Variants in DRC11 observed in about 807,000 individuals in gnomAD.
DRC11 encodes dynein regulatory complex subunit 11.
the DRC11 span, among the ~76,000 whole-genome samples, chr2:236,491,138 T>TATATATACAC: frequency 1.0e-5 from 1 of 98,744 alleles, no homozygotes; most frequent in East Asian, 2.9e-4. Context: ...TATATATATA[T>TATATATACAC]ACAGTATATA....
chr2:236,436,251 A>G, the DRC11 span, among the ~76,000 whole-genome samples: 1 of 152,198 alleles, frequency 6.6e-6, no homozygotes, highest in Non-Finnish European at 1.5e-5. Flanking sequence ...AAATATTTAT[A>G]TATGAAAAAT....
chr2:236,494,863 G>C, the DRC11 span, among the ~76,000 whole-genome samples: 27 of 152,324 alleles, frequency 1.8e-4, no homozygotes, highest in East Asian at 4.6e-3. This position sits in a 1 kb window ranked among gnomAD's most constrained non-coding sequence, Gnocchi z 4.2. Context: ...TGACGGGAGA[G>C]TGAACTAGCA....
At chr2:236,378,852 A>G in the DRC11 span, among the ~76,000 whole-genome samples, 1 of 152,110 alleles carries the variant, frequency 6.6e-6, no homozygotes, top group Non-Finnish European at 1.5e-5. Flanking sequence ...CCTGAGACTC[A>G]AAACGCTGAC....
chr2:236,498,312 A>T, the DRC11 span, among the ~76,000 whole-genome samples: 1 of 151,954 alleles, frequency 6.6e-6, no homozygotes, highest in Non-Finnish European at 1.5e-5. Context: ...AAAAAAAAAA[A>T]AAATTAGCCA....
chr2:236,403,582 A>G, the DRC11 span, among the ~76,000 whole-genome samples: 1 of 152,122 alleles, frequency 6.6e-6, no homozygotes. Context: ...ATCATAGTTT[A>G]TGGCTTAAAA....
the DRC11 span, among the ~76,000 whole-genome samples, chr2:236,439,194 C>T: frequency 6.6e-6 from 1 of 151,052 alleles, no homozygotes; most frequent in East Asian, 1.9e-4. Context: ...CAAAAGCTAG[C>T]AGAAGGCAAG....
chr2:236,402,227 T>G, the DRC11 span, among the ~76,000 whole-genome samples: 8 of 152,304 alleles, frequency 5.3e-5, no homozygotes, highest in East Asian at 1.5e-3. This position sits in a 1 kb window ranked among gnomAD's most constrained non-coding sequence, Gnocchi z 6.0. Flanking sequence ...TCTGATCAAG[T>G]CACCTCCTGG....
the DRC11 span, among the ~76,000 whole-genome samples, chr2:236,490,720 A>G: frequency 1.3e-5 from 2 of 152,064 alleles, no homozygotes; most frequent in African/African-American, 4.8e-5. This position sits in a 1 kb window ranked among gnomAD's most constrained non-coding sequence, Gnocchi z 5.5. Context: ...GGAGGCCCAC[A>G]GTGGATATTA....
At chr2:236,499,416 C>T in the DRC11 span, among the ~76,000 whole-genome samples, 1 of 152,092 alleles carries the variant, frequency 6.6e-6, no homozygotes, top group Non-Finnish European at 1.5e-5. This position sits in a 1 kb window ranked among gnomAD's most constrained non-coding sequence, Gnocchi z 4.7. Context: ...TCCATGCCTG[C>T]TCTCCCTTTC....
the DRC11 span, among the ~76,000 whole-genome samples, chr2:236,337,131 C>T: frequency 6.6e-6 from 1 of 152,200 alleles, no homozygotes; most frequent in Non-Finnish European, 1.5e-5. The surrounding 1 kb of genome is among the most constrained non-coding windows in gnomAD (Gnocchi z 4.9). Flanking sequence ...TGGGTATCCA[C>T]ACTGTCCAGT....
chr2:236,422,532 C>T, the DRC11 span, among the ~76,000 whole-genome samples: 2 of 152,166 alleles, frequency 1.3e-5, no homozygotes, highest in African/African-American at 4.8e-5. Flanking sequence ...CTACAAACCA[C>T]TGCTCAATGA....
At chr2:236,506,527 T>C in the DRC11 span, among the ~76,000 whole-genome samples, 15 of 152,316 alleles carry the variant, frequency 9.8e-5, no homozygotes, top group East Asian at 2.5e-3. The surrounding 1 kb of genome is among the most constrained non-coding windows in gnomAD (Gnocchi z 4.9). Flanking sequence ...ATAGCAACAG[T>C]GCAGGCTGGA....
chr2:236,393,415 C>T, the DRC11 span, among the ~76,000 whole-genome samples: 2 of 152,146 alleles, frequency 1.3e-5, no homozygotes, highest in South Asian at 2.1e-4. This position sits in a 1 kb window ranked among gnomAD's most constrained non-coding sequence, Gnocchi z 4.7. Flanking sequence ...GCTTCCCTGA[C>T]AAGCATGGCA....
the DRC11 span, among the ~76,000 whole-genome samples, chr2:236,340,286 G>A: frequency 3.3e-4 from 51 of 152,256 alleles, no homozygotes; most frequent in African/African-American, 9.4e-4. Context: ...CACCATGCCC[G>A]GCTAATTTTT....
chr2:236,358,191 T>C, the DRC11 span, among the ~76,000 whole-genome samples: 7 of 116,602 alleles, frequency 6.0e-5, no homozygotes, highest in Non-Finnish European at 1.0e-4. Flanking sequence ...TCTATGAATA[T>C]ATAATATATA....
At chr2:236,493,968 C>T in the DRC11 span, 20,352 of 1,216,806 alleles carry the variant, frequency 0.017, 221 homozygotes, top group Non-Finnish European at 0.018. Context: ...ACAGTAAGGA[C>T]GTGCACATCA....
the DRC11 span, among the ~76,000 whole-genome samples, chr2:236,440,386 C>T: frequency 2.0e-5 from 3 of 152,126 alleles, no homozygotes; most frequent in East Asian, 1.9e-4. Context: ...TTTGACAATG[C>T]CTCTAATGCC....
the DRC11 span, among the ~76,000 whole-genome samples, chr2:236,487,629 G>C: frequency 1.3e-5 from 2 of 152,134 alleles, no homozygotes; most frequent in Non-Finnish European, 2.9e-5. Flanking sequence ...CATGTTTCTG[G>C]AATCTATTAA....
chr2:236,392,321 T>C, the DRC11 span: 1 of 1,596,218 alleles, frequency 6.3e-7, no homozygotes, highest in Non-Finnish European at 8.5e-7. The surrounding 1 kb of genome is among the most constrained non-coding windows in gnomAD (Gnocchi z 5.1). Flanking sequence ...TGAGAGAAAT[T>C]CCAAGACTCA....
Sources: allele counts gnomAD v4.1 joint callset (sites outside exome capture counted in the v4.1 genomes callset), GRCh38; gene constraint gnomAD v4.1.1; non-coding constraint Gnocchi (gnomAD v3.1); transcripts MANE v1.5; gene names NCBI Gene and HGNC (gene_info 2026-07-23, HGNC 2026-07-21).